The following ELAVL4 variants were observed in gnomAD, a reference collection of about 807,000 sequenced individuals.
ELAVL4 encodes the protein ELAV like RNA binding protein 4.
A neutral mutation model predicts 35.6 loss-of-function variants in ELAVL4; 1 was observed. The observed-to-expected ratio is 0.03, with a 90% CI of 0.01 to 0.13. ELAVL4 has a LOEUF of 0.13. Ranked by LOEUF, ELAVL4 falls within the 10% of genes least tolerant of loss-of-function variation. ELAVL4 has a pLI of 1.00. For missense variants in ELAVL4, 267 were observed against 464.9 expected (o/e 0.57, Z 3.91); for synonymous variants, 156 against 171.0 (o/e 0.91, Z 0.69).
At chr1:50,194,353 G>C (rs1348610308) in intron 4 of ELAVL4, among the ~76,000 whole-genome samples, 1 of 152,166 alleles carries the variant, frequency 6.6e-6, no homozygotes, top group African/African-American at 2.4e-5. Context: ...GTTGAAAGTG[G>C]GGGATCTGAC....
At chr1:50,103,201 T>A (rs531929186), upstream of ELAVL4, among the ~76,000 whole-genome samples, 58 of 152,344 alleles carry the variant, frequency 3.8e-4, no homozygotes, top group Non-Finnish European at 1.5e-4. Flanking sequence ...GACATCCATT[T>A]GTCACATTTC....
At chr1:50,048,207 C>A (rs913746925) in intron 1 of ELAVL4, 22 of 1,508,526 alleles carry the variant, frequency 1.5e-5, no homozygotes, top group Non-Finnish European at 1.9e-5. Context: ...GCGCAGGCCC[C>A]GCACCCCCGA....
intron 2 of ELAVL4, among the ~76,000 whole-genome samples, chr1:50,149,782 T>C (rs933363214): frequency 1.3e-5 from 2 of 152,148 alleles, no homozygotes; most frequent in African/African-American, 4.8e-5. Context: ...GACCTTGTGA[T>C]CTGCCTGCCT....
chr1:50,131,854 A>G (rs1326728026), intron 1 of ELAVL4, among the ~76,000 whole-genome samples: 1 of 151,880 alleles, frequency 6.6e-6, no homozygotes, highest in African/African-American at 2.4e-5. Flanking sequence ...AGAGGATTTT[A>G]AAAAGATAAA....
At chr1:50,098,245 C>T (rs534887716) in intron 1 of ELAVL4, among the ~76,000 whole-genome samples, 56 of 152,264 alleles carry the variant, frequency 3.7e-4, no homozygotes, top group South Asian at 1.7e-3. Flanking sequence ...TCACTCTTCT[C>T]AGTAAGGGAG....
At chr1:50,127,618 T>C (rs1316966422) in intron 1 of ELAVL4, among the ~76,000 whole-genome samples, 1 of 152,170 alleles carries the variant, frequency 6.6e-6, no homozygotes, top group Non-Finnish European at 1.5e-5. Context: ...TCAAGTGCCA[T>C]GGAACTCAGT....
At chr1:50,179,484 T>C (rs1680673115) in intron 3 of ELAVL4, 1 of 152,240 alleles carries the variant, frequency 6.6e-6, no homozygotes, top group African/African-American at 2.4e-5. Context: ...ACCCCTTTTG[T>C]ATGCTGTTTA....
At chr1:50,149,542 C>CTTTTT (rs754451042) in intron 2 of ELAVL4, among the ~76,000 whole-genome samples, 3 of 126,462 alleles carry the variant, frequency 2.4e-5, no homozygotes, top group Admixed American at 8.1e-5. Context: ...ATGCATTGTC[C>CTTTTT]TTTTTTTTTT....
chr1:50,124,709 A>G (rs1225545389), intron 1 of ELAVL4, among the ~76,000 whole-genome samples: 3 of 152,082 alleles, frequency 2.0e-5, no homozygotes, highest in African/African-American at 7.2e-5. Flanking sequence ...TGCAGCTTCA[A>G]CTTCCCAAGG....
chr1:50,176,595 A>G (rs537609452), intron 2 of ELAVL4, among the ~76,000 whole-genome samples: 17 of 152,214 alleles, frequency 1.1e-4, no homozygotes, highest in African/African-American at 3.9e-4. Context: ...TTTATACACA[A>G]TCTCTCACTC....
At chr1:50,064,854 T>A (rs1664183658) in intron 1 of ELAVL4, among the ~76,000 whole-genome samples, 1 of 152,210 alleles carries the variant, frequency 6.6e-6, no homozygotes, top group Non-Finnish European at 1.5e-5. Context: ...TCCTTTAGCC[T>A]TTTGTATATT....
At chr1:50,084,729 A>T (rs1226311843) in intron 1 of ELAVL4, among the ~76,000 whole-genome samples, 1 of 149,732 alleles carries the variant, frequency 6.7e-6, no homozygotes, top group East Asian at 2.0e-4. Context: ...TTAATGGCTC[A>T]TTGGTTAGTT....
intron 1 of ELAVL4, among the ~76,000 whole-genome samples, chr1:50,074,834 CATTA>C (rs1160487480): frequency 4.6e-5 from 7 of 151,938 alleles, no homozygotes; most frequent in African/African-American, 1.7e-4. Context: ...GTTTATGGAA[CATTA>C]ATTAAGAAAA....
chr1:50,158,711 A>G (rs933577886), intron 2 of ELAVL4, among the ~76,000 whole-genome samples: 12 of 152,272 alleles, frequency 7.9e-5, no homozygotes, highest in Admixed American at 4.6e-4. Flanking sequence ...TGAGAAGCCA[A>G]ATCATAGACT....
At chr1:50,133,623 GA>G (rs1211601034) in intron 1 of ELAVL4, among the ~76,000 whole-genome samples, 1 of 148,266 alleles carries the variant, frequency 6.7e-6, no homozygotes, top group Non-Finnish European at 1.5e-5. Flanking sequence ...AAGAAAGAAA[GA>G]AAGAAAGAAA....
intron 2 of ELAVL4, among the ~76,000 whole-genome samples, chr1:50,152,394 C>A (rs149309769): frequency 1.3e-5 from 2 of 152,014 alleles, no homozygotes; most frequent in African/African-American, 4.8e-5. Context: ...GTTCACGCAG[C>A]CTTCTCTTCT....
chr1:50,121,101 G>A (rs1668956791), intron 1 of ELAVL4, among the ~76,000 whole-genome samples: 1 of 151,954 alleles, frequency 6.6e-6, no homozygotes. Flanking sequence ...GTCATAATAT[G>A]GCTTTTGTTG....
In ELAVL4 at chr1:50,142,832, T is replaced by C. The variant is rs538743363; in HGVS notation, c.10-2125T>C. Among the ~76,000 whole-genome samples the C allele has an allele frequency of 2.6e-4, 40 of 152,294 alleles. 1 individual carries two copies. In the South Asian group the frequency reaches 7.7e-3, roughly 29 times the overall value. On this transcript the variant is annotated intron_variant, in intron 1 of 6. Transcript: ENST00000371824. Reference sequence around the variant, plus strand: ...GTTGTACATAACGCTCATAGCAGCATTATCTATAGTAGTTCAAAATTAGAA... The same window carrying C: ...GTTGTACATAACGCTCATAGCAGCACTATCTATAGTAGTTCAAAATTAGAA...
At chr1:50,185,784 C>A (rs759098002) in intron 3 of ELAVL4, among the ~76,000 whole-genome samples, 2 of 152,120 alleles carry the variant, frequency 1.3e-5, no homozygotes, top group Non-Finnish European at 2.9e-5. Flanking sequence ...AAGAATGAGT[C>A]TGAATTTTAC....
Sources: allele counts gnomAD v4.1 joint callset (sites outside exome capture counted in the v4.1 genomes callset), GRCh38; gene constraint gnomAD v4.1.1; transcripts MANE v1.5; gene names NCBI Gene and HGNC (gene_info 2026-07-23, HGNC 2026-07-21).